Variants in VPS35 observed in about 807,000 individuals in gnomAD.
VPS35 encodes the protein vacuolar protein sorting-associated protein 35.
In VPS35, 21 loss-of-function variants were observed where a neutral mutation model predicts 98.1. That is an observed-to-expected ratio of 0.21 (90% CI 0.15 to 0.31). The LOEUF is 0.31. Ranked by LOEUF, VPS35 falls within the 10% of genes least tolerant of loss-of-function variation. The pLI is 1.00. For missense variants in VPS35, 554 were observed against 950.8 expected (o/e 0.58, Z 5.49); for synonymous variants, 268 against 318.2 (o/e 0.84, Z 1.68).
At chr16:46,660,838 A>AAAAAAAAAAG in intron 16 of VPS35, 187 bp from the exon 17 acceptor site, 1 of 676,374 alleles carries the variant, frequency 1.5e-6, no homozygotes, top group South Asian at 1.6e-5. Context: ...AAAAAAAAAA[A>AAAAAAAAAAG]ACAACCCTTT....
At chr16:46,670,159 G>A (rs1966047448) in intron 12 of VPS35, among the ~76,000 whole-genome samples, 2 of 152,146 alleles carry the variant, frequency 1.3e-5, no homozygotes, top group Admixed American at 6.5e-5. Flanking sequence ...ATGGCATTCA[G>A]GTTTTGTGAA....
In VPS35 at chr16:46,669,666, C is replaced by CA. The variant is rs949838651; in HGVS notation, c.1525-615dup. On this transcript the variant is annotated intron_variant, in intron 12 of 16. Coordinates refer to ENST00000299138, the MANE Select transcript of VPS35 (RefSeq NM_018206.6). Reference sequence around the variant, plus strand: ...TGGGTGACAGAGCAAGATTCCATCTCAAAAAAAAAAAAAAAGAAAAAAGAA... The same window carrying CA: ...TGGGTGACAGAGCAAGATTCCATCTCAAAAAAAAAAAAAAAAGAAAAAAGAA... Among the ~76,000 whole-genome samples the CA allele has an allele frequency of 4.7e-3, 284 of 60,256 alleles. 2 individuals are homozygous for CA. The highest frequency in any genetic ancestry group is 0.03 in the East Asian group (70 of 2,338). 39.5% of individuals were successfully genotyped at this position (60,256 alleles called of 152,430 possible).
intron 1 of VPS35, among the ~76,000 whole-genome samples, chr16:46,685,978 T>C (rs2143009380): frequency 6.6e-6 from 1 of 152,338 alleles, no homozygotes; most frequent in East Asian, 1.9e-4. Flanking sequence ...TTCACATTAA[T>C]ACAATTACCA....
In VPS35 at chr16:46,658,573, G is replaced by A. The variant is rs892955918; in HGVS notation, c.*1899C>T. 1 of 153,340 alleles carries A rather than the reference G, an allele frequency of 6.5e-6. No individual in the cohort carries two copies. Among genetic ancestry groups the A allele is most frequent in the African/African-American group, 2.4e-5 (1 of 41,426 alleles). The allele number at this position is 153,340 out of a possible 1,614,324, so 9.5% of individuals were successfully genotyped here. A position where few individuals can be genotyped will look rare whatever the true frequency, so the allele number is the denominator to read the frequency against. ...TGACATTACCTTACTTGCAAACCAA[G>A]CTCTCCAACTCAAGTGTTCTTGACT... On this transcript the variant is annotated 3_prime_UTR_variant, in exon 17 of 17. Coordinates refer to ENST00000299138, the MANE Select transcript of VPS35 (RefSeq NM_018206.6).
At chr16:46,662,160 T>C (rs1965922841) in intron 15 of VPS35, 83 bp downstream of exon 15, 16 of 1,609,334 alleles carry the variant, frequency 9.9e-6, no homozygotes, top group Non-Finnish European at 1.3e-5. Flanking sequence ...ACCCCAAATG[T>C]TTCACCTCCA....
In VPS35 at chr16:46,661,137, T is replaced by G. The variant is rs797016; in HGVS notation, c.2212-486A>C. Among the ~76,000 whole-genome samples, 148,676 of 152,218 alleles carry G rather than the reference T, an allele frequency of 0.98. 72,690 individuals are homozygous for G. The highest frequency in any genetic ancestry group is 1 in the East Asian group (5,187 of 5,188). On this transcript the variant is annotated intron_variant, in intron 16 of 16. Transcript: ENST00000299138. The surrounding 1 kb of genome is among the most constrained non-coding windows in gnomAD (Gnocchi z 4.3). ...TCCAGCCTGGGTGACAGAGCCAGAC[T>G]CTGTCAAAAAAAGAAAAACAAGCAA...
At chr16:46,667,046 T>C (rs1402590975) in intron 13 of VPS35, among the ~76,000 whole-genome samples, 2 of 152,204 alleles carry the variant, frequency 1.3e-5, no homozygotes, top group African/African-American at 4.8e-5. Flanking sequence ...ACCTCCATAC[T>C]GTTTTCCATA....
intron 1 of VPS35, among the ~76,000 whole-genome samples, chr16:46,684,142 A>G (rs1254050805): frequency 6.6e-6 from 1 of 152,212 alleles, no homozygotes; most frequent in African/African-American, 2.4e-5. Context: ...CTCTCTCAGA[A>G]AGTAGGCTGG....
At chr16:46,674,780 G>GTT in intron 8 of VPS35, 120 bp from the exon 9 acceptor site, 1 of 1,000,852 alleles carries the variant, frequency 1.0e-6, no homozygotes, top group Non-Finnish European at 1.5e-6. Context: ...AAAGGTTTTT[G>GTT]TTTTTTTTGT....
In VPS35 at chr16:46,661,653, C is replaced by A. The variant is rs1057131744; in HGVS notation, c.2211+65G>T. Reference sequence around the variant, plus strand: ...CAGAATGATAAACTTTTGTACATATCAAATCTCCTAAGAGTAGGAAGGGAA... The same window carrying A: ...CAGAATGATAAACTTTTGTACATATAAAATCTCCTAAGAGTAGGAAGGGAA... On this transcript the variant is annotated intron_variant, in intron 16 of 16. Transcript: ENST00000299138. The surrounding 1 kb of genome is among the most constrained non-coding windows in gnomAD (Gnocchi z 4.3). The A allele has an allele frequency of 2.8e-6, 4 of 1,440,990 alleles. No homozygotes were observed. The highest frequency in any genetic ancestry group is 1.7e-5 in the Admixed American group (1 of 57,724). 89.3% of individuals were successfully genotyped at this position (1,440,990 alleles called of 1,614,324 possible). A position where few individuals can be genotyped will look rare whatever the true frequency, so the allele number is the denominator to read the frequency against.
chr16:46,672,532 G>A lies in VPS35; in HGVS notation c.1161-60C>T, dbSNP rs1255255504. On this transcript the variant is annotated intron_variant, in intron 10 of 16. Transcript: ENST00000299138. ...AATTAACTTTCTATATACACAAATA[G>A]CATTTGTTCCATAAGAATTTGAAAT... is the stretch of plus-strand genomic sequence containing the variant. The A allele has an allele frequency of 5.6e-6, 8 of 1,429,032 alleles. 1 individual carries two copies. The East Asian group carries it at 1.6e-4, about 28-fold the overall frequency. 88.5% of individuals were successfully genotyped at this position (1,429,032 alleles called of 1,614,324 possible).
intron 13 of VPS35, among the ~76,000 whole-genome samples, chr16:46,668,570 A>G (rs563888630): frequency 2.6e-4 from 39 of 152,186 alleles, no homozygotes; most frequent in Admixed American, 7.2e-4. Flanking sequence ...CCCACAACTC[A>G]TATTATTCAA....
chr16:46,667,819 T>C (rs530150295), intron 13 of VPS35, among the ~76,000 whole-genome samples: 2 of 152,300 alleles, frequency 1.3e-5, no homozygotes, highest in South Asian at 2.1e-4. Flanking sequence ...TATCAAAGAT[T>C]AGTTTATTGC....
intron 8 of VPS35, among the ~76,000 whole-genome samples, chr16:46,676,125 T>G (rs1966147474): frequency 1.3e-5 from 2 of 151,272 alleles, no homozygotes; most frequent in African/African-American, 4.9e-5. Context: ...CTAAACATAT[T>G]TGATACTTAA....
chr16:46,685,863 T>C (rs1966302359), intron 1 of VPS35, among the ~76,000 whole-genome samples: 1 of 152,208 alleles, frequency 6.6e-6, no homozygotes. Context: ...TTCTTTATGA[T>C]ACATCTGGAT....
At position 46,667,512 on chromosome 16, in the gene VPS35, T is replaced by C. The variant is rs572035969; in HGVS notation, c.1647+1418A>G. On this transcript the variant is annotated intron_variant, in intron 13 of 16. Coordinates refer to ENST00000299138, the MANE Select transcript of VPS35 (RefSeq NM_018206.6). ...TGCTTATTTTAAACTTATTTTTGCT[T>C]ATTTTAAGCTTATTTTAAACTTATT... Among the ~76,000 whole-genome samples, 3 of 152,322 alleles carry C rather than the reference T, an allele frequency of 2.0e-5. No homozygotes were observed. The South Asian group carries it at 6.2e-4, about 32-fold the overall frequency.
intron 12 of VPS35, among the ~76,000 whole-genome samples, chr16:46,669,605 T>G (rs1260777276): frequency 6.8e-6 from 1 of 147,774 alleles, no homozygotes; most frequent in African/African-American, 2.5e-5. Context: ...AGATGGAGGT[T>G]GCAGTAAGCT....
At chr16:46,666,770 A>C (rs1307609904) in intron 13 of VPS35, among the ~76,000 whole-genome samples, 1 of 152,236 alleles carries the variant, frequency 6.6e-6, no homozygotes, top group Non-Finnish European at 1.5e-5. Flanking sequence ...GCTGAGTATT[A>C]TTCTACTATG....
intron 4 of VPS35, among the ~76,000 whole-genome samples, chr16:46,681,158 C>T (rs1328656247): frequency 6.6e-6 from 1 of 151,194 alleles, no homozygotes; most frequent in Non-Finnish European, 1.5e-5. Flanking sequence ...AAAAAAATAG[C>T]AAGCATGTCC....
Sources: allele counts gnomAD v4.1 joint callset (sites outside exome capture counted in the v4.1 genomes callset), GRCh38; gene constraint gnomAD v4.1.1; non-coding constraint Gnocchi (gnomAD v3.1); transcripts MANE v1.5; gene names NCBI Gene and HGNC (gene_info 2026-07-23, HGNC 2026-07-21).